ILRUN: variants seen among roughly 807,000 people sequenced by gnomAD.
The protein encoded by ILRUN is protein ILRUN.
ILRUN carries 3 observed loss-of-function variants against 33.8 expected under a neutral mutation model. The observed-to-expected ratio is 0.09, with a 90% CI of 0.04 to 0.23. ILRUN has a LOEUF of 0.23. ILRUN is among the 10% of genes least tolerant of loss of function. The pLI is 1.00. For missense variants in ILRUN, 210 were observed against 375.1 expected (o/e 0.56, Z 3.64); for synonymous variants, 124 against 138.9 (o/e 0.89, Z 0.75).
chr6:34,587,358 T>A lies in ILRUN; in HGVS notation c.*3207A>T, dbSNP rs1761213653. 1 of 152,622 alleles carries A rather than the reference T, an allele frequency of 6.6e-6. No homozygotes were observed. Among genetic ancestry groups the A allele is most frequent in the Non-Finnish European group, 1.5e-5 (1 of 68,032 alleles). 9.5% of individuals were successfully genotyped at this position (152,622 alleles called of 1,614,324 possible). On this transcript the variant is annotated 3_prime_UTR_variant, in exon 5 of 5. Transcript: ENST00000374023. Reference sequence around the variant, plus strand: ...TACAATAAGGAAAAACCTCCTCATCTTTATCTCCTCCTAGGCACCATGAGG... The same window carrying A: ...TACAATAAGGAAAAACCTCCTCATCATTATCTCCTCCTAGGCACCATGAGG...
chr6:34,624,955 C>A (rs982660817), intron 3 of ILRUN, among the ~76,000 whole-genome samples: 1 of 152,090 alleles, frequency 6.6e-6, no homozygotes, highest in African/African-American at 2.4e-5. Context: ...AGAGGATGGG[C>A]TTTAGTTTCT....
At chr6:34,612,572 A>C (rs1761779606) in intron 3 of ILRUN, among the ~76,000 whole-genome samples, 1 of 152,214 alleles carries the variant, frequency 6.6e-6, no homozygotes, top group South Asian at 2.1e-4. Context: ...TAAATTACTA[A>C]AGAGAAAACA....
chr6:34,618,268 C>A (rs889270852), intron 3 of ILRUN, among the ~76,000 whole-genome samples: 25 of 152,166 alleles, frequency 1.6e-4, no homozygotes, highest in African/African-American at 6.0e-4. Context: ...TTATTTCTCC[C>A]AAGGTCATGC....
At chr6:34,621,279 A>G (rs941805601) in intron 3 of ILRUN, among the ~76,000 whole-genome samples, 3 of 152,234 alleles carry the variant, frequency 2.0e-5, no homozygotes, top group African/African-American at 4.8e-5. Context: ...AAATTTCAAG[A>G]TAAGTCACTG....
intron 3 of ILRUN, among the ~76,000 whole-genome samples, chr6:34,645,536 G>A (rs1762549261): frequency 6.6e-6 from 1 of 151,938 alleles, no homozygotes; most frequent in Admixed American, 6.6e-5. Flanking sequence ...CACCACGCCA[G>A]GCTAATTTTA....
At chr6:34,626,478 T>C (rs1480868312) in intron 3 of ILRUN, among the ~76,000 whole-genome samples, 1 of 152,150 alleles carries the variant, frequency 6.6e-6, no homozygotes. Context: ...TGCCCGATCG[T>C]ATTTTATTTT....
At chr6:34,695,274 C>G (rs910321893) in intron 1 of ILRUN, among the ~76,000 whole-genome samples, 1 of 152,178 alleles carries the variant, frequency 6.6e-6, no homozygotes, top group African/African-American at 2.4e-5. Context: ...TTCCACATGT[C>G]AGGAGACTGA....
chr6:34,631,841 A>C (rs1762252857), intron 3 of ILRUN, among the ~76,000 whole-genome samples: 1 of 152,186 alleles, frequency 6.6e-6, no homozygotes, highest in Non-Finnish European at 1.5e-5. Flanking sequence ...CAACACCATA[A>C]ATTTACTAAG....
chr6:34,609,881 G>A (rs531417158), intron 3 of ILRUN, among the ~76,000 whole-genome samples: 11 of 152,124 alleles, frequency 7.2e-5, no homozygotes, highest in Non-Finnish European at 2.9e-5. Context: ...AAATATGGCC[G>A]GGTGTGGTGG....
chr6:34,652,098 A>G (rs535146913), intron 2 of ILRUN, among the ~76,000 whole-genome samples: 1 of 152,262 alleles, frequency 6.6e-6, no homozygotes, highest in South Asian at 2.1e-4. Context: ...AGCCTCTGAA[A>G]GCATTTTTGA....
chr6:34,645,031 G>A (rs181444478), intron 3 of ILRUN, among the ~76,000 whole-genome samples: 11 of 152,192 alleles, frequency 7.2e-5, no homozygotes, highest in Middle Eastern at 3.4e-3. Context: ...AAAGGCTTTA[G>A]GCAAAGAATG....
In ILRUN at chr6:34,639,590, C is replaced by T. The variant is rs149115432; in HGVS notation, c.511+7011G>A. On this transcript the variant is annotated intron_variant, in intron 3 of 4. Coordinates refer to ENST00000374023, the MANE Select transcript of ILRUN (RefSeq NM_024294.4). ...GCAGGAACTCTCTGGGGAAAACTGA[C>T]ACCCAACTACCTAAGAATAGCCCTG... Among the ~76,000 whole-genome samples the T allele has an allele frequency of 7.6e-3, 1,153 of 152,220 alleles. 20 individuals carry two copies. The highest frequency in any genetic ancestry group is 0.026 in the African/African-American group (1,093 of 41,510).
At chr6:34,692,484 C>T (rs2127392073) in intron 1 of ILRUN, among the ~76,000 whole-genome samples, 1 of 152,064 alleles carries the variant, frequency 6.6e-6, no homozygotes, top group South Asian at 2.1e-4. Flanking sequence ...CAACAGTTGC[C>T]CAGTTAGAAA....
chr6:34,690,668 T>C (rs1763628366), intron 1 of ILRUN, among the ~76,000 whole-genome samples: 1 of 152,144 alleles, frequency 6.6e-6, no homozygotes, highest in Admixed American at 6.6e-5. Flanking sequence ...TTGAAAACTT[T>C]TAGTAATTTC....
chr6:34,602,729 G>C (rs1239481913), intron 4 of ILRUN, among the ~76,000 whole-genome samples: 1 of 152,198 alleles, frequency 6.6e-6, no homozygotes, highest in African/African-American at 2.4e-5. Flanking sequence ...CAAAAGCAGG[G>C]AGCCAGATTT....
intron 3 of ILRUN, among the ~76,000 whole-genome samples, chr6:34,614,441 A>ATATATATATATATATATATAT (rs1210392851): frequency 8.9e-6 from 1 of 112,026 alleles, no homozygotes; most frequent in African/African-American, 4.3e-5. Flanking sequence ...TAAAAAAAAA[A>ATATATATATATATATATATAT]AAATATATAT....
intron 1 of ILRUN, among the ~76,000 whole-genome samples, chr6:34,677,608 A>G (rs1300554300): frequency 6.6e-6 from 1 of 152,126 alleles, no homozygotes; most frequent in Non-Finnish European, 1.5e-5. Context: ...AAGCAGCTTT[A>G]CTGTTTTTTG....
chr6:34,623,871 G>C (rs1762059251), intron 3 of ILRUN, among the ~76,000 whole-genome samples: 1 of 151,998 alleles, frequency 6.6e-6, no homozygotes, highest in African/African-American at 2.4e-5. Flanking sequence ...TCACTCTGTT[G>C]CCCAGGCTGG....
chr6:34,658,273 G>A (rs1282946407), intron 1 of ILRUN, among the ~76,000 whole-genome samples: 1 of 151,732 alleles, frequency 6.6e-6, no homozygotes, highest in African/African-American at 2.4e-5. Context: ...GAACCCAGGA[G>A]GCGGAGGTTG....
Sources: allele counts gnomAD v4.1 joint callset (sites outside exome capture counted in the v4.1 genomes callset), GRCh38; gene constraint gnomAD v4.1.1; transcripts MANE v1.5; gene names NCBI Gene and HGNC (gene_info 2026-07-23, HGNC 2026-07-21).